Variants in HNRNPAB observed in about 807,000 individuals in gnomAD.
The protein encoded by HNRNPAB is ABBP-1.
In HNRNPAB, 17 loss-of-function variants were observed where a neutral mutation model predicts 44.1. That is an observed-to-expected ratio of 0.39 (90% CI 0.26 to 0.58). The LOEUF (loss-of-function observed/expected upper bound fraction) is 0.58. HNRNPAB is among the 20% of genes least tolerant of loss of function. The probability of loss-of-function intolerance (pLI) is 0.63; values close to 1 mark genes in which losing one functional copy is unlikely to be tolerated. For synonymous variants in HNRNPAB, 183 were observed against 167.6 expected (o/e 1.09, Z -0.71); for missense variants, 393 against 432.7 (o/e 0.91, Z 0.81).
chr5:178,210,145 T>C lies in HNRNPAB; in HGVS notation c.801T>C (p.Ser267=), dbSNP rs1554103730. The C allele has an allele frequency of 1.9e-6, 3 of 1,613,958 alleles. No individual in the cohort carries two copies. The highest frequency in any genetic ancestry group is 2.5e-6 in the Non-Finnish European group (3 of 1,179,946). Residue 267 remains serine (S), a synonymous_variant, in exon 7 of 8, where the codon AGT becomes AGC. Coordinates refer to ENST00000358344, the MANE Select transcript of HNRNPAB (RefSeq NM_031266.3). ...CTCCCCCCACAGGTCAGAGTCAGAGTTGGAATCAGGGCTACGGCAACTACT... is the reference window on the plus strand; with the variant it reads ...CTCCCCCCACAGGTCAGAGTCAGAGCTGGAATCAGGGCTACGGCAACTACT... ...GGGGGGGQSQ[S]WNQGYGNYWN...
chr5:178,205,209 C>T (rs1436754753), intron 2 of HNRNPAB, among the ~76,000 whole-genome samples, 163 bp downstream of exon 2: 9 of 150,896 alleles, frequency 6.0e-5, no homozygotes, highest in African/African-American at 2.2e-4. Context: ...GGCGCTGCCA[C>T]TCGCGCTGGA....
At position 178,205,903 on chromosome 5, in the gene HNRNPAB, A is replaced by G. The variant is rs759830425; in HGVS notation, c.271A>G (p.Thr91Ala). ...TSKKDLKDYFTKFGEVVDCTI... is the reference protein window; with the variant it reads ...TSKKDLKDYFAKFGEVVDCTI... The stretch of plus-strand genomic sequence containing the variant: ...CAAAAAAGATTTAAAAGACTATTTT[A>G]CTAAATTTGGAGAGGTCGTTGACTG... The change falls in exon 3 of 8, where the codon ACT (threonine) becomes GCT (alanine). Residue 91 changes from threonine (T) to alanine (A), a missense_variant. Transcript: ENST00000358344. 1.2e-6 allele frequency: 2 copies of G among 1,614,126 alleles called. No individual in the cohort carries two copies. Among genetic ancestry groups the G allele is most frequent in the Non-Finnish European group, 1.7e-6 (2 of 1,179,948 alleles).
At chr5:178,206,630 A>C in intron 3 of HNRNPAB, 102 bp from the exon 4 acceptor site, 1 of 1,037,986 alleles carries the variant, frequency 9.6e-7, no homozygotes, top group South Asian at 1.6e-5. Flanking sequence ...GGAGGGGGTG[A>C]AACACATGTT....
rs1471475441 is a variant in HNRNPAB, at chr5:178,211,070, T to C, written c.*447T>C. On this transcript the variant is annotated 3_prime_UTR_variant, in exon 8 of 8. Coordinates refer to ENST00000358344, the MANE Select transcript of HNRNPAB (RefSeq NM_031266.3). Reference sequence around the variant, plus strand: ...TTTTTGGTACCTTTTGGGAATCTAATGTATTGTAAGGTATTTTACACGTGT... The same window carrying C: ...TTTTTGGTACCTTTTGGGAATCTAACGTATTGTAAGGTATTTTACACGTGT... The C allele has an allele frequency of 1.6e-5, 3 of 188,320 alleles. No homozygotes were observed. The highest frequency in any genetic ancestry group is 5.6e-5 in the Admixed American group (1 of 17,896). The allele number at this position is 188,320 out of a possible 1,614,324, so 11.7% of individuals were successfully genotyped here. A position where few individuals can be genotyped will look rare whatever the true frequency, so the allele number is the denominator to read the frequency against.
At chr5:178,207,357 T>C in intron 5 of HNRNPAB, 132 bp downstream of exon 5, 1 of 1,062,858 alleles carries the variant, frequency 9.4e-7, no homozygotes, top group Non-Finnish European at 1.4e-6. Context: ...CTGAAGCGTA[T>C]GCTGCCCTGA....
At position 178,205,989 on chromosome 5, in the gene HNRNPAB, A is replaced by G. The variant is rs374821454; in HGVS notation, c.357A>G (p.Lys119=). The part of the protein sequence containing the change: ...RSRGFGFILF[K]DAASVEKVLD... ...GAGGGTTTGGGTTTATCCTGTTCAAAGATGCAGCCAGTGTGGAGAAGGTAA... is the reference window on the plus strand; with the variant it reads ...GAGGGTTTGGGTTTATCCTGTTCAAGGATGCAGCCAGTGTGGAGAAGGTAA... Residue 119 remains lysine, a synonymous_variant, in exon 3 of 8, where the codon AAA becomes AAG. Transcript: ENST00000358344. The G allele has an allele frequency of 1.2e-6, 2 of 1,613,912 alleles. No individual in the cohort carries two copies. The highest frequency in any genetic ancestry group is 1.7e-6 in the Non-Finnish European group (2 of 1,179,964).
rs1758206776 is a variant in HNRNPAB at position 178,211,124 on chromosome 5, A to G, written c.*501A>G. The G allele has an allele frequency of 6.4e-6, 1 of 157,398 alleles. No individual in the cohort carries two copies. The highest frequency in any genetic ancestry group is 6.3e-5 in the Admixed American group (1 of 15,798). 9.8% of individuals were successfully genotyped at this position (157,398 alleles called of 1,614,324 possible). A position where few individuals can be genotyped will look rare whatever the true frequency, so the allele number is the denominator to read the frequency against. Reference sequence around the variant, plus strand: ...GATTTTGCCACAACCTGGATATTGAAGCTATCCAAGCTTTTGAAATAAAAT... The same window carrying G: ...GATTTTGCCACAACCTGGATATTGAGGCTATCCAAGCTTTTGAAATAAAAT... On this transcript the variant is annotated 3_prime_UTR_variant, in exon 8 of 8. Coordinates refer to ENST00000358344, the MANE Select transcript of HNRNPAB (RefSeq NM_031266.3).
intron 6 of HNRNPAB, 76 bp downstream of exon 6, chr5:178,209,523 C>T: frequency 7.7e-7 from 1 of 1,294,894 alleles, no homozygotes; most frequent in Non-Finnish European, 1.1e-6. Flanking sequence ...TTGGGGCTCC[C>T]TCTGGTGCTG....
At chr5:178,207,052 G>A (rs377094421) in intron 4 of HNRNPAB, 42 bp from the exon 5 acceptor site, 71 of 1,611,486 alleles carry the variant, frequency 4.4e-5, no homozygotes, top group South Asian at 7.7e-5. Flanking sequence ...ATGCTCTGGG[G>A]TAGGGAGGTA....
rs1474373643 is a variant in HNRNPAB, at chr5:178,207,239, A to C, written c.669+14A>C. ...AGTGGAAGCAAGGTAAGGTGTTCCC[A>C]GCTCTGCTTGGCCTCCTGTGCTGCT... On this transcript the variant is annotated intron_variant, in intron 5 of 7. Transcript: ENST00000358344. 4 of 1,613,474 alleles carry C rather than the reference A, an allele frequency of 2.5e-6. No individual in the cohort carries two copies. In the African/African-American group the frequency reaches 5.3e-5, roughly 22 times the overall value.
intron 2 of HNRNPAB, 101 bp downstream of exon 2, chr5:178,205,147 C>T: frequency 2.3e-6 from 2 of 887,458 alleles, no homozygotes; most frequent in Non-Finnish European, 1.4e-6. Flanking sequence ...TGGCCCGGGT[C>T]GGGGCTGGTG....
At chr5:178,207,758 G>A (rs901364639) in intron 5 of HNRNPAB, among the ~76,000 whole-genome samples, 2 of 134,492 alleles carry the variant, frequency 1.5e-5, no homozygotes, top group Admixed American at 8.6e-5. Flanking sequence ...GCTGGGGTGC[G>A]GTAACACAAT....
intron 3 of HNRNPAB, 31 bp downstream of exon 3, chr5:178,206,041 A>C (rs1184212608): frequency 6.3e-7 from 1 of 1,586,188 alleles, no homozygotes; most frequent in African/African-American, 1.4e-5. Flanking sequence ...CAGCAGTCTC[A>C]GTGGAAACGA....
rs867544214 is a variant in HNRNPAB at position 178,210,191 on chromosome 5, C to A, written c.847C>A (p.Gln283Lys). The A allele has an allele frequency of 1.2e-6, 2 of 1,612,874 alleles. No homozygotes were observed. Among genetic ancestry groups the A allele is most frequent in the African/African-American group, 2.7e-5 (2 of 74,918 alleles). The change falls in exon 7 of 8, where the codon CAG becomes AAG. Residue 283 changes from glutamine to lysine, a missense_variant. Coordinates refer to ENST00000358344, the MANE Select transcript of HNRNPAB (RefSeq NM_031266.3). Reference protein sequence around the residue: ...GNYWNQGYGYQQGYGPGYGGY... With the variant: ...GNYWNQGYGYKQGYGPGYGGY... ...CTACTGGAACCAGGGCTACGGCTAC[C>A]AGCAGGGCTACGGGCCTGGCTATGG...
At chr5:178,206,408 G>C (rs968200390) in intron 3 of HNRNPAB, among the ~76,000 whole-genome samples, 2 of 152,224 alleles carry the variant, frequency 1.3e-5, no homozygotes, top group East Asian at 3.8e-4. Flanking sequence ...GGAGTGGAGG[G>C]AGGATTCCTT....
rs1348544831 is a variant in HNRNPAB, at chr5:178,205,005, G to C, written c.168G>C (p.Glu56Asp). Residue 56 changes from glutamate to aspartate, a missense_variant, in exon 2 of 8, where the codon GAG (glutamate) becomes GAC (aspartate). Transcript: ENST00000358344. ...CGAGCGGGAATCAGAACGGCGCCGA[G>C]GGCGACCAGATCAACGCCAGCAAGA... ...APPSGNQNGA[E>D]GDQINASKNE... is the part of the protein sequence containing the mutation. 1 of 1,209,334 alleles carries C rather than the reference G, an allele frequency of 8.3e-7. No individual in the cohort carries two copies. The highest frequency in any genetic ancestry group is 3.4e-5 in the East Asian group (1 of 29,806). The allele number at this position is 1,209,334 out of a possible 1,614,324, so 74.9% of individuals were successfully genotyped here.
In HNRNPAB at chr5:178,209,437, T is replaced by G. The variant is rs748557865; in HGVS notation, c.777T>G (p.Gly259=). The change falls in exon 6 of 8, where the codon GGT becomes GGG. Residue 259 remains glycine, a synonymous_variant. Transcript: ENST00000358344. ...NRGNRGSGGG[G]GGGGQSQSWN... ...GGAACCGAGGCAGCGGAGGTGGTGG[T>G]GGAGGTGGAGGTGAGTGGAACGTGG... 1.2e-6 allele frequency: 2 copies of G among 1,613,286 alleles called. No individual in the cohort carries two copies. The highest frequency in any genetic ancestry group is 8.5e-7 in the Non-Finnish European group (1 of 1,179,468).
chr5:178,210,840 C>A lies in HNRNPAB; in HGVS notation c.*217C>A. On this transcript the variant is annotated 3_prime_UTR_variant, in exon 8 of 8. Coordinates refer to ENST00000358344, the MANE Select transcript of HNRNPAB (RefSeq NM_031266.3). Reference sequence around the variant, plus strand: ...GGTGTCTGAGAGGCCATAGCGCCATCATGGGCTGATTTTTATTACCAGGTC... The same window carrying A: ...GGTGTCTGAGAGGCCATAGCGCCATAATGGGCTGATTTTTATTACCAGGTC... 1.7e-6 allele frequency: 1 copy of A among 575,418 alleles called. No individual in the cohort carries two copies. 35.6% of individuals were successfully genotyped at this position (575,418 alleles called of 1,614,324 possible).
In HNRNPAB at chr5:178,204,886, G is replaced by C; in HGVS notation, c.49G>C (p.Glu17Gln). The C allele has an allele frequency of 2.5e-6, 3 of 1,212,436 alleles. No homozygotes were observed. The highest frequency in any genetic ancestry group is 8.2e-5 in the South Asian group (2 of 24,510). 75.1% of individuals were successfully genotyped at this position (1,212,436 alleles called of 1,614,324 possible). A position where few individuals can be genotyped will look rare whatever the true frequency, so the allele number is the denominator to read the frequency against. ...EQPMETTGAT[E>Q]NGHEAVPEGE... is the part of the protein sequence containing the mutation. ...GCCCATGGAGACGACGGGCGCCACC[G>C]AGAACGGACATGAGGCCGTCCCCGA... The change falls in exon 2 of 8, where the codon GAG becomes CAG. Residue 17 changes from glutamate to glutamine, a missense_variant. Physicochemically the swap from Glu to Gln is conservative, Grantham distance 29 (BLOSUM62 2). Transcript: ENST00000358344.
Sources: allele counts gnomAD v4.1 joint callset (sites outside exome capture counted in the v4.1 genomes callset), GRCh38; gene constraint gnomAD v4.1.1; transcripts MANE v1.5; gene names NCBI Gene and HGNC (gene_info 2026-07-23, HGNC 2026-07-21).